Variants in CHIA observed in about 807,000 individuals in gnomAD.
CHIA encodes the protein acidic mammalian chitinase.
In CHIA, 47 loss-of-function variants were observed where a neutral mutation model predicts 53.5. The observed-to-expected ratio is 0.88, with a 90% confidence interval of 0.70 to 1.12. The LOEUF (loss-of-function observed/expected upper bound fraction) is 1.12, where lower values mean the gene tolerates loss of function less well. CHIA is among the 50% of genes most tolerant of loss of function. The pLI is 0.00. For synonymous variants in CHIA, 268 were observed against 222.2 expected, an observed-to-expected ratio of 1.21 and a Z score of -1.83; for missense variants, 652 against 592.2, an observed-to-expected ratio of 1.10 and a Z score of -1.05.
intron 1 of CHIA, among the ~76,000 whole-genome samples, chr1:111,303,922 G>T (rs866210238): frequency 1.3e-5 from 2 of 152,272 alleles, no homozygotes; most frequent in Middle Eastern, 3.4e-3. Context: ...TGCAGGACAG[G>T]TCTATTGGTA....
rs1648574438 is a variant in CHIA, at chr1:111,310,473, A to G, written c.6A>G (p.Thr2=). The change falls in exon 2 of 12, where the codon ACA becomes ACG. Residue 2 remains threonine, a synonymous_variant. Coordinates refer to ENST00000369740, the MANE Select transcript of CHIA (RefSeq NM_201653.4). M[T]KLILLTGLVL... ...GACTGGTGCTGACTGCAACCATGAC[A>G]AAGCTTATTCTCCTCACAGGTGGGT... 1 of 1,614,102 alleles carries G rather than the reference A, an allele frequency of 6.2e-7. No homozygotes were observed. Among genetic ancestry groups the G allele is most frequent in the African/African-American group, 1.3e-5 (1 of 74,956 alleles).
chr1:111,309,770 A>G (rs1335319603), intron 1 of CHIA, among the ~76,000 whole-genome samples: 7 of 152,262 alleles, frequency 4.6e-5, no homozygotes, highest in Admixed American at 2.6e-4. Flanking sequence ...ACTCATTTCA[A>G]TATCATCTAT....
chr1:111,310,865 A>T (rs969531065), intron 2 of CHIA, among the ~76,000 whole-genome samples: 1 of 152,132 alleles, frequency 6.6e-6, no homozygotes, highest in African/African-American at 2.4e-5. Flanking sequence ...GTGTCCTTGG[A>T]CTAGCTTTTC....
chr1:111,312,706 A>C lies in CHIA; in HGVS notation c.257+315A>C, dbSNP rs1261616349. On this transcript the variant is annotated intron_variant, in intron 4 of 11. Coordinates refer to ENST00000369740, the MANE Select transcript of CHIA (RefSeq NM_201653.4). ...TTCAAAATACAATATATTGTTACTA[A>C]CAATAGTAACCATGTTGTACAATAG... 3.3e-5 allele frequency among the ~76,000 whole-genome samples: 5 copies of C among 152,210 alleles called. No individual in the cohort carries two copies. In the East Asian group the frequency reaches 9.6e-4, roughly 29 times the overall value.
At chr1:111,303,855 C>T (rs1647964775) in intron 1 of CHIA, among the ~76,000 whole-genome samples, 1 of 152,182 alleles carries the variant, frequency 6.6e-6, no homozygotes. Context: ...CATATGGCAG[C>T]AAGTTGCTGT....
chr1:111,310,384 A>G lies in CHIA; in HGVS notation c.-68-16A>G. 6.2e-7 allele frequency: 1 copy of G among 1,602,114 alleles called. No homozygotes were observed. The highest frequency in any genetic ancestry group is 1.1e-5 in the South Asian group (1 of 88,798). On this transcript the variant is annotated splice_polypyrimidine_tract_variant and intron_variant, in intron 1 of 11. Transcript: ENST00000369740. ...TTAACTACATACACATCTGGGTCAAATTGTTCTCTATTTAGAAGCCTTTGT... is the reference window on the plus strand; with the variant it reads ...TTAACTACATACACATCTGGGTCAAGTTGTTCTCTATTTAGAAGCCTTTGT...
At chr1:111,292,968 T>G (rs1186833365) in intron 1 of CHIA, among the ~76,000 whole-genome samples, 1 of 152,224 alleles carries the variant, frequency 6.6e-6, no homozygotes, top group Non-Finnish European at 1.5e-5. Flanking sequence ...ATAACAGTTT[T>G]GTTATCCATT....
At chr1:111,294,471 G>C (rs539718480) in intron 1 of CHIA, among the ~76,000 whole-genome samples, 69 of 151,848 alleles carry the variant, frequency 4.5e-4, no homozygotes, top group Non-Finnish European at 7.9e-4. Context: ...GAATCTTTAG[G>C]GTTTTTCCTA....
intron 1 of CHIA, among the ~76,000 whole-genome samples, chr1:111,301,705 CAAAAAAA>C (rs35562130): frequency 1.9e-5 from 2 of 105,476 alleles, no homozygotes; most frequent in Non-Finnish European, 3.8e-5. Flanking sequence ...ACTCTCTCTC[CAAAAAAA>C]AAAAAAAAAA....
intron 1 of CHIA, among the ~76,000 whole-genome samples, chr1:111,306,312 T>C (rs1648183098): frequency 6.6e-6 from 1 of 152,174 alleles, no homozygotes; most frequent in South Asian, 2.1e-4. Flanking sequence ...CCATTAGCTA[T>C]GACAGGTCTG....
chr1:111,310,485 C>A lies in CHIA; in HGVS notation c.18C>A (p.Leu6=). The A allele has an allele frequency of 1.2e-6, 2 of 1,614,174 alleles. No individual in the cohort carries two copies. The highest frequency in any genetic ancestry group is 1.3e-5 in the African/African-American group (1 of 75,048). The change falls in exon 2 of 12, where the codon CTC becomes CTA. Residue 6 remains leucine, a synonymous_variant. Transcript: ENST00000369740. The part of the protein sequence containing the change: MTKLI[L]LTGLVLILNL... ...CTGCAACCATGACAAAGCTTATTCT[C>A]CTCACAGGTGGGTTTGTAATCAGAG...
intron 3 of CHIA, 42 bp from the exon 4 acceptor site, chr1:111,312,148 A>T (rs1259419348): frequency 6.5e-7 from 1 of 1,530,116 alleles, no homozygotes; most frequent in Non-Finnish European, 9.1e-7. Flanking sequence ...ACTTCAGTGG[A>T]TCCTAAACCA....
At chr1:111,297,820 C>T (rs115363111) in intron 1 of CHIA, among the ~76,000 whole-genome samples, 1,445 of 140,978 alleles carry the variant, frequency 0.01, 17 homozygotes, top group African/African-American at 0.034. Flanking sequence ...GTGCTGTAAT[C>T]AGGAGACCCA....
intron 3 of CHIA, 95 bp downstream of exon 3, chr1:111,311,813 G>T: frequency 7.4e-7 from 1 of 1,348,832 alleles, no homozygotes; most frequent in South Asian, 1.2e-5. Context: ...ACAGACAGAT[G>T]GGTTTGATTT....
At chr1:111,305,456 C>T (rs1648103507) in intron 1 of CHIA, among the ~76,000 whole-genome samples, 1 of 152,134 alleles carries the variant, frequency 6.6e-6, no homozygotes, top group South Asian at 2.1e-4. Context: ...GGACATAGTC[C>T]TTTTTTGCCC....
chr1:111,315,831 C>T (rs1179755894), intron 6 of CHIA: 2 of 449,838 alleles, frequency 4.4e-6, no homozygotes, highest in East Asian at 1.4e-4. Flanking sequence ...CCACAGAGTC[C>T]ATTGCTTCTA....
In CHIA at chr1:111,320,385, C is replaced by A. The variant is rs781067947; in HGVS notation, c.1350C>A (p.Cys450Ter). Residue 450 changes from cysteine (C) to a stop codon, truncating the protein, a stop_gained, in exon 12 of 12, where the codon TGC becomes TGA. Coordinates refer to ENST00000369740, the MANE Select transcript of CHIA (RefSeq NM_201653.4). LOFTEE classifies it low-confidence loss of function (END_TRUNC). ...ATAACAGAAATGCCTTCTGGCACTG[C>A]GTGAATGGAGTCACGTACCAGCAGA... ...VANNRNAFWH[C>*]VNGVTYQQNC... 2.1e-5 allele frequency: 34 copies of A among 1,614,218 alleles called. No individual in the cohort carries two copies. The highest frequency in any genetic ancestry group is 2.6e-5 in the Non-Finnish European group (31 of 1,180,036).
At chr1:111,318,705 C>T in intron 9 of CHIA, 27 bp downstream of exon 9, 5 of 1,598,242 alleles carry the variant, frequency 3.1e-6, no homozygotes, top group Non-Finnish European at 4.3e-6. Context: ...GAAAAGTGCT[C>T]TGTGAATTCC....
chr1:111,293,530 G>A (rs572989572), intron 1 of CHIA, among the ~76,000 whole-genome samples: 4 of 152,172 alleles, frequency 2.6e-5, no homozygotes, highest in East Asian at 1.9e-4. Flanking sequence ...CTACCATTCC[G>A]TGAGTTGCAC....
Sources: gnomAD v4.1 joint callset for allele counts (sites outside exome capture counted in the v4.1 genomes callset) on GRCh38, gnomAD v4.1.1 for gene constraint, MANE v1.5 for transcripts, NCBI Gene and HGNC (gene_info 2026-07-23, HGNC 2026-07-21) for gene names.